The following ZAN variants were observed in gnomAD, a reference collection of about 807,000 sequenced individuals.
ZAN encodes the protein zonadhesin (gene/pseudogene).
A neutral mutation model predicts 286.2 loss-of-function variants in ZAN; 260 were observed. That is an observed-to-expected ratio of 0.91 (90% CI 0.82 to 1.01). The LOEUF is 1.01. Among genes scored for constraint, ZAN ranks in the 50% least tolerant of loss-of-function variants. The pLI is 0.00. For missense variants in ZAN, 3,410 were observed against 3,639.2 expected, an observed-to-expected ratio of 0.94 and a Z score of 1.62; for synonymous variants, 1,368 against 1,417.5, an observed-to-expected ratio of 0.97 and a Z score of 0.79.
chr7:100,750,905 C>T lies in ZAN; in HGVS notation c.1521+9C>T, dbSNP rs747014360. 2.3e-5 allele frequency: 35 copies of T among 1,532,732 alleles called. No individual in the cohort carries two copies. The highest frequency in any genetic ancestry group is 3.9e-5 in the South Asian group (3 of 77,804). 94.9% of individuals were successfully genotyped at this position (1,532,732 alleles called of 1,614,324 possible). A position where few individuals can be genotyped will look rare whatever the true frequency, so the allele number is the denominator to read the frequency against. ...ACCAACAGCCCATGCAGGTGAGAGA[C>T]GGAGGCGGGGGTCCTGTCTGTGTGA... On this transcript the variant is annotated intron_variant, in intron 12 of 47. Transcript: ENST00000613979.
intron 19 of ZAN, 41 bp from the exon 20 acceptor site, chr7:100,762,174 G>T (rs75572930): frequency 0.31 from 501,232 of 1,607,562 alleles, 79,136 homozygotes; most frequent in African/African-American, 0.38. Context: ...GACCGAGGCT[G>T]CTTCTCTCCA....
At chr7:100,773,238 G>T (rs1444769469) in intron 29 of ZAN, 47 bp from the exon 30 acceptor site, 1 of 1,598,928 alleles carries the variant, frequency 6.3e-7, no homozygotes, top group South Asian at 1.1e-5. Flanking sequence ...AAGGTTTGGG[G>T]GCTGGACATG....
In ZAN at chr7:100,748,354, A is replaced by G. The variant is rs1389981772; in HGVS notation, c.1133A>G (p.Asn378Ser). ...TTTCCTCAGTGTGACTTTGAAGACA[A>G]CGCCCATCCCTTCTGTGACTGGGTC... ...EGFPQCDFED[N>S]AHPFCDWVQT... The change falls in exon 11 of 48, where the codon AAC becomes AGC. Residue 378 changes from asparagine (N) to serine (S), a missense_variant. Coordinates refer to ENST00000613979, the MANE Select transcript of ZAN (RefSeq NM_003386.3). 6.2e-7 allele frequency: 1 copy of G among 1,613,970 alleles called. No individual in the cohort carries two copies. The highest frequency in any genetic ancestry group is 1.1e-5 in the South Asian group (1 of 91,078).
chr7:100,786,575 A>G (rs1419344527), intron 37 of ZAN, among the ~76,000 whole-genome samples: 2 of 151,932 alleles, frequency 1.3e-5, no homozygotes, highest in African/African-American at 4.8e-5. Context: ...CACCCAGCCA[A>G]TTTTGCTATT....
At chr7:100,757,749 C>T (rs1351218930) in intron 15 of ZAN, among the ~76,000 whole-genome samples, 5 of 129,088 alleles carry the variant, frequency 3.9e-5, no homozygotes, top group African/African-American at 8.9e-5. Flanking sequence ...AGTGAGACTC[C>T]GTCTCAAAAA....
At position 100,788,016 on chromosome 7, in the gene ZAN, G is replaced by T; in HGVS notation, c.7107G>T (p.Glu2369Asp). Reference protein sequence around the residue: ...KTVDVLPEGVEPLLVEGRNKM... With the variant: ...KTVDVLPEGVDPLLVEGRNKM... Reference sequence around the variant, plus strand: ...TGGACGTACTGCCTGAGGGGGTGGAGCCCCTCCTCGTGGAAGGACGCAACA... The same window carrying T: ...TGGACGTACTGCCTGAGGGGGTGGATCCCCTCCTCGTGGAAGGACGCAACA... The change falls in exon 38 of 48, where the codon GAG becomes GAT. Residue 2369 changes from glutamate to aspartate, a missense_variant. Glu to Asp is a conservative substitution (Grantham distance 45). Transcript: ENST00000613979. 1 of 1,571,194 alleles carries T rather than the reference G, an allele frequency of 6.4e-7. No homozygotes were observed. Among genetic ancestry groups the T allele is most frequent in the Non-Finnish European group, 8.7e-7 (1 of 1,150,650 alleles).
chr7:100,778,291 A>G (rs1810955399), intron 34 of ZAN, among the ~76,000 whole-genome samples: 1 of 152,130 alleles, frequency 6.6e-6, no homozygotes, highest in Non-Finnish European at 1.5e-5. Context: ...TGGATGACAG[A>G]GCAAGATGCT....
chr7:100,795,646 C>A (rs987518293), intron 45 of ZAN, among the ~76,000 whole-genome samples: 1 of 151,806 alleles, frequency 6.6e-6, no homozygotes, highest in Non-Finnish European at 1.5e-5. Flanking sequence ...GTGGCTCACG[C>A]CTGTAATCCC....
intron 17 of ZAN, 92 bp from the exon 18 acceptor site, chr7:100,759,625 GCTCA>G: frequency 7.6e-7 from 1 of 1,314,614 alleles, no homozygotes; most frequent in Non-Finnish European, 9.8e-7. Context: ...TCTCGGTGGC[GCTCA>G]TCTCTCCCTG....
At position 100,750,638 on chromosome 7, in the gene ZAN, C is replaced by A. The variant is rs757682532; in HGVS notation, c.1263C>A (p.Ile421=). 8 of 1,613,260 alleles carry A rather than the reference C, an allele frequency of 5.0e-6. No individual in the cohort carries two copies. Among genetic ancestry groups the A allele is most frequent in the South Asian group, 3.3e-5 (3 of 90,880 alleles). ...TCCTTTGCCTAGGGGGTCACTATAT[C>A]TACCTTGAGGCTGACGAGTTCTCCC... ...GGFPNAGGHY[I]YLEADEFSQA... is the part of the protein sequence containing the mutation. The change falls in exon 12 of 48, where the codon ATC becomes ATA. Residue 421 remains isoleucine, a synonymous_variant. Coordinates refer to ENST00000613979, the MANE Select transcript of ZAN (RefSeq NM_003386.3).
At chr7:100,792,998 G>GAAAAAAAAAA (rs1233962121) in intron 42 of ZAN, among the ~76,000 whole-genome samples, 1 of 95,376 alleles carries the variant, frequency 1.0e-5, no homozygotes, top group Non-Finnish European at 2.4e-5. Flanking sequence ...AAAAAAAAAA[G>GAAAAAAAAAA]AAAGAAAGAA....
At chr7:100,775,951 G>A in intron 33 of ZAN, 118 bp downstream of exon 33, 1 of 1,349,068 alleles carries the variant, frequency 7.4e-7, no homozygotes, top group Non-Finnish European at 1.0e-6. Context: ...TCCTCAGGAT[G>A]GAGCAGGGCA....
At chr7:100,751,368 A>C in intron 13 of ZAN, 102 bp downstream of exon 13, 1 of 796,278 alleles carries the variant, frequency 1.3e-6, no homozygotes, top group East Asian at 3.1e-5. Context: ...TGGAGCCCGA[A>C]TTCTCACCCA....
Position 100,734,307 on chromosome 7 carries a change from G to A in ZAN, c.53+86G>A, listed in dbSNP as rs189199600. The A allele has an allele frequency of 3.2e-4, 314 of 986,442 alleles. 38 individuals carry two copies. In the African/African-American group the frequency reaches 4.9e-3, roughly 16 times the overall value. The allele number at this position is 986,442 out of a possible 1,614,324, so 61.1% of individuals were successfully genotyped here. On this transcript the variant is annotated intron_variant, in intron 2 of 47. Transcript: ENST00000613979. ...ATGGAAGGACAGAGCTGGAGGGGGC[G>A]AGCAGGCTAACTACAAAAGATCTGG...
rs1027419521 is a variant in ZAN at position 100,733,887 on chromosome 7, T to G, written c.-142-140T>G. 3 of 291,006 alleles carry G rather than the reference T, an allele frequency of 1.0e-5. 1 individual carries two copies. Among genetic ancestry groups the G allele is most frequent in the African/African-American group, 7.0e-5 (3 of 42,986 alleles). 18.0% of individuals were successfully genotyped at this position (291,006 alleles called of 1,614,324 possible). A position where few individuals can be genotyped will look rare whatever the true frequency, so the allele number is the denominator to read the frequency against. ...TCCTTTCGTTTGAGGTTAGACTTCCTGGATTGATCCTCCAAACCTGTTTCC... is the reference window on the plus strand; with the variant it reads ...TCCTTTCGTTTGAGGTTAGACTTCCGGGATTGATCCTCCAAACCTGTTTCC... On this transcript the variant is annotated intron_variant, in intron 1 of 47. Transcript: ENST00000613979.
chr7:100,764,186 C>A lies in ZAN; in HGVS notation c.4257C>A (p.Pro1419=), dbSNP rs756788475. The change falls in exon 22 of 48, where the codon CCC becomes CCA. Residue 1419 remains proline, a synonymous_variant. Coordinates refer to ENST00000613979, the MANE Select transcript of ZAN (RefSeq NM_003386.3). The stretch of plus-strand genomic sequence containing the variant: ...ACGCTGTGAAGCCCTGGAGGGAACC[C>A]CACTTCTGCCGTGAGTTGTGCCAAA... ...AGHAVKPWRE[P]HFCPMACPPN... is the part of the protein sequence containing the mutation. 2 of 1,563,116 alleles carry A rather than the reference C, an allele frequency of 1.3e-6. No individual in the cohort carries two copies. The highest frequency in any genetic ancestry group is 1.7e-6 in the Non-Finnish European group (2 of 1,154,880).
At chr7:100,762,419 C>CT (rs869138443) in intron 20 of ZAN, 61 bp downstream of exon 20, 72,406 of 998,014 alleles carry the variant, frequency 0.073, 80 homozygotes, top group Non-Finnish European at 0.08. Context: ...CTGGAACTCT[C>CT]TTTTTTTTTT....
intron 40 of ZAN, 108 bp downstream of exon 40, chr7:100,791,221 T>G (rs1584634616): frequency 1.4e-6 from 2 of 1,396,824 alleles, no homozygotes; most frequent in Non-Finnish European, 1.9e-6. Flanking sequence ...AGGGAGAGGG[T>G]GCAGATAGGC....
rs2115765276 is a variant in ZAN at position 100,748,376 on chromosome 7, G to A, written c.1155G>A (p.Trp385Ter). Residue 385 changes from tryptophan to a stop codon, truncating the protein, a stop_gained, in exon 11 of 48, where the codon TGG becomes TGA. Coordinates refer to ENST00000613979, the MANE Select transcript of ZAN (RefSeq NM_003386.3). LOFTEE classifies it high-confidence loss of function. The stretch of plus-strand genomic sequence containing the variant: ...ACAACGCCCATCCCTTCTGTGACTG[G>A]GTCCAGACTTCCGGGGATGGTGGAC... Reference protein sequence around the residue: ...FEDNAHPFCDWVQTSGDGGHW... With the variant: ...FEDNAHPFCD 6.2e-7 allele frequency: 1 copy of A among 1,613,922 alleles called. No individual in the cohort carries two copies.
Sources: gnomAD v4.1 joint callset for allele counts (sites outside exome capture counted in the v4.1 genomes callset) on GRCh38, gnomAD v4.1.1 for gene constraint, MANE v1.5 for transcripts, NCBI Gene and HGNC (gene_info 2026-07-23, HGNC 2026-07-21) for gene names.